SLC25A48: variants seen among roughly 807,000 people sequenced by gnomAD.
SLC25A48 encodes the protein solute carrier family 25 member 48.
SLC25A48 carries 29 observed loss-of-function variants against 32.2 expected under a neutral mutation model. That is an observed-to-expected ratio of 0.90 (90% CI 0.67 to 1.23). The LOEUF (loss-of-function observed/expected upper bound fraction) is 1.23, where lower values mean the gene tolerates loss of function less well. SLC25A48 is among the 50% of genes most tolerant of loss of function. The pLI, the probability that SLC25A48 is intolerant of heterozygous loss-of-function variation, is 0.00. For missense variants in SLC25A48, 399 were observed against 422.7 expected (o/e 0.94, Z 0.49); for synonymous variants, 164 against 172.3 (o/e 0.95, Z 0.38).
intron 1 of SLC25A48, among the ~76,000 whole-genome samples, chr5:135,836,505 A>AT (rs1395517334): frequency 6.6e-6 from 1 of 152,174 alleles, no homozygotes; most frequent in East Asian, 1.9e-4. Context: ...AAATTCACCC[A>AT]TTTCAAATGT....
At chr5:135,594,454 ACT>A (rs1408226942) in intron 1 of SLC25A48, among the ~76,000 whole-genome samples, 1 of 151,988 alleles carries the variant, frequency 6.6e-6, no homozygotes, top group Admixed American at 6.6e-5. Context: ...CTGCTGTCTC[ACT>A]CTCTAGCTGT....
chr5:135,705,089 C>G (rs1342604429), intron 3 of SLC25A48, among the ~76,000 whole-genome samples: 1 of 152,214 alleles, frequency 6.6e-6, no homozygotes, highest in Non-Finnish European at 1.5e-5. Context: ...GGTCCTGACT[C>G]TTGCTTGCTA....
intron 1 of SLC25A48, chr5:135,609,162 C>T (rs1000810942): frequency 1.3e-5 from 2 of 152,200 alleles, no homozygotes; most frequent in Non-Finnish European, 2.9e-5. Flanking sequence ...GTTTTTCCAT[C>T]TCTAACTTGG....
chr5:135,770,316 G>T (rs754322388), intron 3 of SLC25A48, among the ~76,000 whole-genome samples: 2 of 151,518 alleles, frequency 1.3e-5, no homozygotes, highest in Non-Finnish European at 3.0e-5. Context: ...AATATGCAGG[G>T]GGAGAGGATA....
intron 3 of SLC25A48, among the ~76,000 whole-genome samples, chr5:135,767,454 C>T (rs1403761427): frequency 3.3e-5 from 5 of 151,896 alleles, no homozygotes; most frequent in African/African-American, 1.2e-4. Flanking sequence ...AATATTGCTT[C>T]TGATATCGTG....
At chr5:135,735,263 T>G (rs4134371) in intron 3 of SLC25A48, among the ~76,000 whole-genome samples, 43,892 of 152,058 alleles carry the variant, frequency 0.29, 6,460 homozygotes, top group East Asian at 0.45. Flanking sequence ...TAATTGTAAC[T>G]TTTCTCTATT....
chr5:135,603,599 G>A (rs189246464), intron 1 of SLC25A48, among the ~76,000 whole-genome samples: 1 of 152,320 alleles, frequency 6.6e-6, no homozygotes, highest in Admixed American at 6.5e-5. Context: ...GCCCTGGGGA[G>A]CCTGACCTCC....
intron 6 of SLC25A48, among the ~76,000 whole-genome samples, chr5:135,877,908 A>T (rs1057322514): frequency 4.6e-5 from 7 of 152,182 alleles, no homozygotes; most frequent in Admixed American, 4.6e-4. Flanking sequence ...AGTGGAGGAA[A>T]AAGGCTGGCC....
At chr5:135,835,003 G>T in intron 1 of SLC25A48, 110 bp downstream of exon 1, 1 of 1,350,140 alleles carries the variant, frequency 7.4e-7, no homozygotes, top group Non-Finnish European at 1.0e-6. Flanking sequence ...GCTCCCCGTT[G>T]TGCGCGCAGC....
At position 135,592,641 on chromosome 5, in the gene SLC25A48, G is replaced by A. The variant is rs531343275; in HGVS notation, c.-849+13044G>A. ...AGGCAAGTCAGGAATGAGGGAGTGA[G>A]CGTGTGTGTATGTGTGTGTGAGAGA... is the stretch of plus-strand genomic sequence containing the variant. On this transcript the variant is annotated intron_variant, in intron 1 of 10. Transcript: ENST00000646290. Among the ~76,000 whole-genome samples, 10 of 152,284 alleles carry A rather than the reference G, an allele frequency of 6.6e-5. No homozygotes were observed. The South Asian group carries it at 1.9e-3, about 28-fold the overall frequency.
chr5:135,802,894 G>A (rs1356875989), intron 3 of SLC25A48: 2 of 151,446 alleles, frequency 1.3e-5, no homozygotes, highest in Non-Finnish European at 3.0e-5. Flanking sequence ...TAATATTCTA[G>A]GGAGATATTA....
intron 3 of SLC25A48, among the ~76,000 whole-genome samples, chr5:135,787,248 G>T (rs1756870790): frequency 6.6e-6 from 1 of 152,062 alleles, no homozygotes; most frequent in South Asian, 2.1e-4. Flanking sequence ...AATATTTTAG[G>T]GGGATTTTAC....
At chr5:135,613,088 AT>A (rs1192989434) in intron 1 of SLC25A48, among the ~76,000 whole-genome samples, 2 of 151,984 alleles carry the variant, frequency 1.3e-5, no homozygotes, top group African/African-American at 4.8e-5. Context: ...AGCATCTGTT[AT>A]TTTTTGTCTT....
At chr5:135,596,598 C>T (rs1216582580) in intron 1 of SLC25A48, among the ~76,000 whole-genome samples, 1 of 152,172 alleles carries the variant, frequency 6.6e-6, no homozygotes, top group Non-Finnish European at 1.5e-5. Flanking sequence ...CTGAAATGAG[C>T]AGAGGTGCTC....
intron 3 of SLC25A48, among the ~76,000 whole-genome samples, chr5:135,637,338 C>A (rs1461395170): frequency 1.3e-5 from 2 of 152,176 alleles, no homozygotes; most frequent in Non-Finnish European, 2.9e-5. Flanking sequence ...TTAATTAATT[C>A]TCTTTCTCTC....
At chr5:135,715,710 C>G (rs1294465636) in intron 3 of SLC25A48, among the ~76,000 whole-genome samples, 1 of 152,240 alleles carries the variant, frequency 6.6e-6, no homozygotes, top group Non-Finnish European at 1.5e-5. Context: ...AATCCGTCAG[C>G]TCTATGCTAA....
intron 1 of SLC25A48, among the ~76,000 whole-genome samples, chr5:135,616,178 G>T (rs1372942185): frequency 6.6e-6 from 1 of 152,198 alleles, no homozygotes; most frequent in African/African-American, 2.4e-5. Context: ...GGAAATATGG[G>T]GTTGGAGCTC....
At chr5:135,730,285 A>G (rs1755193719) in intron 3 of SLC25A48, among the ~76,000 whole-genome samples, 1 of 152,160 alleles carries the variant, frequency 6.6e-6, no homozygotes, top group Admixed American at 6.5e-5. Flanking sequence ...ACTTGGTGGA[A>G]GGTAGTTGAC....
At chr5:135,687,417 C>G (rs961697332) in intron 3 of SLC25A48, among the ~76,000 whole-genome samples, 5 of 152,192 alleles carry the variant, frequency 3.3e-5, no homozygotes, top group African/African-American at 1.2e-4. Context: ...GTGATCCAGA[C>G]AAATCAGATT....
Sources: gnomAD v4.1 joint callset for allele counts (sites outside exome capture counted in the v4.1 genomes callset) on GRCh38, gnomAD v4.1.1 for gene constraint, MANE v1.5 for transcripts, NCBI Gene and HGNC (gene_info 2026-07-23, HGNC 2026-07-21) for gene names.